Variants in TMEFF2 observed in about 807,000 individuals in gnomAD.
TMEFF2 encodes tomoregulin-2.
Under a neutral mutation model 53.8 loss-of-function variants are expected in TMEFF2, and 28 were observed. That is an observed-to-expected ratio of 0.52 (90% CI 0.39 to 0.71). The LOEUF is 0.71. Among genes scored for constraint, TMEFF2 ranks in the 30% least tolerant of loss-of-function variants. The probability of loss-of-function intolerance (pLI) is 0.00; values close to 1 mark genes in which losing one functional copy is unlikely to be tolerated. For synonymous variants in TMEFF2, 162 were observed against 166.3 expected (o/e 0.97, Z 0.20); for missense variants, 353 against 455.2 (o/e 0.78, Z 2.04).
intron 4 of TMEFF2, among the ~76,000 whole-genome samples, chr2:192,101,451 G>T (rs1051270497): frequency 6.6e-6 from 1 of 152,140 alleles, no homozygotes; most frequent in Non-Finnish European, 1.5e-5. Context: ...TGTGGTATTT[G>T]TTAACTTTTT....
chr2:192,049,602 A>T (rs958400267), intron 5 of TMEFF2, among the ~76,000 whole-genome samples: 1 of 152,202 alleles, frequency 6.6e-6, no homozygotes, highest in African/African-American at 2.4e-5. Context: ...TGAAAACTCA[A>T]GAAGAAATAG....
chr2:192,126,146 G>T (rs1689673535), intron 4 of TMEFF2, among the ~76,000 whole-genome samples: 2 of 152,180 alleles, frequency 1.3e-5, no homozygotes, highest in East Asian at 3.8e-4. Flanking sequence ...AAAAGCACAT[G>T]TATCAACCCA....
chr2:192,153,325 TA>T (rs1237690220), intron 4 of TMEFF2, among the ~76,000 whole-genome samples: 1 of 151,928 alleles, frequency 6.6e-6, no homozygotes, highest in African/African-American at 2.4e-5. Flanking sequence ...TATGGATTTA[TA>T]ATTATTTCCA....
intron 5 of TMEFF2, among the ~76,000 whole-genome samples, chr2:192,007,207 C>G (rs1686519637): frequency 6.6e-6 from 1 of 152,154 alleles, no homozygotes; most frequent in Non-Finnish European, 1.5e-5. Flanking sequence ...GGCACATACT[C>G]CATGCAATGT....
intron 4 of TMEFF2, among the ~76,000 whole-genome samples, chr2:192,126,618 G>T (rs1689684549): frequency 6.6e-6 from 1 of 152,140 alleles, no homozygotes; most frequent in African/African-American, 2.4e-5. Flanking sequence ...TGGTATGAAG[G>T]AAGTAAGGCA....
At chr2:192,169,419 A>C (rs1007179006) in intron 4 of TMEFF2, among the ~76,000 whole-genome samples, 5 of 152,118 alleles carry the variant, frequency 3.3e-5, no homozygotes, top group African/African-American at 1.2e-4. Context: ...GTCAAGTCTG[A>C]GGTAGAGAAA....
At chr2:192,153,301 A>G (rs964284593) in intron 4 of TMEFF2, among the ~76,000 whole-genome samples, 3 of 151,850 alleles carry the variant, frequency 2.0e-5, no homozygotes, top group South Asian at 4.1e-4. Context: ...GAATACTGGT[A>G]TTTTTTTAAA....
chr2:192,135,928 G>A (rs1032876900), intron 4 of TMEFF2, among the ~76,000 whole-genome samples: 15 of 150,836 alleles, frequency 9.9e-5, no homozygotes, highest in Non-Finnish European at 2.1e-4. Flanking sequence ...CTGCCCACCA[G>A]AGAACAACCC....
At chr2:192,134,611 C>T (rs192265951) in intron 4 of TMEFF2, among the ~76,000 whole-genome samples, 1 of 152,310 alleles carries the variant, frequency 6.6e-6, no homozygotes, top group East Asian at 1.9e-4. Flanking sequence ...CCCTACACTT[C>T]AAGCTCGAAG....
At chr2:192,184,811 C>T (rs540261022) in intron 2 of TMEFF2, among the ~76,000 whole-genome samples, 1 of 151,898 alleles carries the variant, frequency 6.6e-6, no homozygotes, top group East Asian at 1.9e-4. Flanking sequence ...AGTATGTAGC[C>T]CATATGACTT....
At chr2:192,049,041 T>C (rs1466625122) in intron 5 of TMEFF2, among the ~76,000 whole-genome samples, 1 of 152,190 alleles carries the variant, frequency 6.6e-6, no homozygotes, top group African/African-American at 2.4e-5. Context: ...TCATACACAA[T>C]GTAGGTGTGT....
chr2:192,035,576 T>C (rs1241139150), intron 5 of TMEFF2, among the ~76,000 whole-genome samples: 1 of 152,244 alleles, frequency 6.6e-6, no homozygotes, highest in Non-Finnish European at 1.5e-5. Context: ...TTACTTAGTC[T>C]GTCCTTTTTC....
intron 4 of TMEFF2, among the ~76,000 whole-genome samples, chr2:192,155,485 CA>C (rs1369532411): frequency 6.6e-6 from 1 of 151,816 alleles, no homozygotes. Flanking sequence ...GATTTTTATC[CA>C]ACTTAGACTC....
intron 4 of TMEFF2, among the ~76,000 whole-genome samples, chr2:192,112,131 G>A (rs1262152257): frequency 2.0e-5 from 3 of 152,192 alleles, no homozygotes; most frequent in Admixed American, 2.0e-4. Flanking sequence ...GTGGAGCTGA[G>A]AGAAGAAGAC....
At chr2:192,088,078 G>A (rs1165057357) in intron 4 of TMEFF2, among the ~76,000 whole-genome samples, 1 of 152,102 alleles carries the variant, frequency 6.6e-6, no homozygotes, top group Non-Finnish European at 1.5e-5. Flanking sequence ...TCAGTGTCAG[G>A]TTTTTTTGTC....
chr2:192,020,506 C>A (rs1216217835), intron 5 of TMEFF2, among the ~76,000 whole-genome samples: 2 of 151,880 alleles, frequency 1.3e-5, no homozygotes, highest in Non-Finnish European at 2.9e-5. Context: ...AAATTGCAAT[C>A]CAGATATTTT....
chr2:192,106,232 T>C (rs1203250396), intron 4 of TMEFF2, among the ~76,000 whole-genome samples: 1 of 151,742 alleles, frequency 6.6e-6, no homozygotes, highest in Non-Finnish European at 1.5e-5. Context: ...AAAAAGGTCA[T>C]GATAAACTGC....
chr2:192,052,898 C>T, intron 5 of TMEFF2, among the ~76,000 whole-genome samples: 1 of 152,138 alleles, frequency 6.6e-6, no homozygotes, highest in East Asian at 1.9e-4. Context: ...ATAACTTGTC[C>T]TGTTGAATTT....
At chr2:192,183,605 A>G (rs550578837) in intron 3 of TMEFF2, among the ~76,000 whole-genome samples, 22 of 152,220 alleles carry the variant, frequency 1.4e-4, no homozygotes, top group Non-Finnish European at 2.6e-4. Context: ...CCTCTACAAT[A>G]TATGTGATTT....
Sources: gnomAD v4.1 joint callset for allele counts (sites outside exome capture counted in the v4.1 genomes callset) on GRCh38, gnomAD v4.1.1 for gene constraint, MANE v1.5 for transcripts, NCBI Gene and HGNC (gene_info 2026-07-23, HGNC 2026-07-21) for gene names.